PIGT: variants seen among roughly 807,000 people sequenced by gnomAD.
PIGT encodes the protein phosphatidylinositol glycan anchor biosynthesis class T, also known as GPI-anchor transamidase component PIGT.
Under a neutral mutation model 66.7 loss-of-function variants are expected in PIGT, and 57 were observed. The ratio of observed to expected loss-of-function variants is 0.86; its 90% CI spans 0.69 to 1.07. The LOEUF (loss-of-function observed/expected upper bound fraction) is 1.07. Ranked by LOEUF, PIGT falls within the 50% of genes least tolerant of loss-of-function variation. The pLI is 0.00. For missense variants in PIGT, 725 were observed against 740.4 expected (o/e 0.98, Z 0.24); for synonymous variants, 362 against 320.5 (o/e 1.13, Z -1.38).
chr20:45,424,301 C>G lies in PIGT; in HGVS notation c.1320C>G (p.Thr440=), dbSNP rs1419301831. 1.2e-6 allele frequency: 2 copies of G among 1,614,180 alleles called. No individual in the cohort carries two copies. Residue 440 remains threonine, a synonymous_variant, in exon 10 of 12, where the codon ACC becomes ACG. Coordinates refer to ENST00000279036, the MANE Select transcript of PIGT (RefSeq NM_015937.6). The part of the protein sequence containing the change: ...MLIQLPANSV[T]KVSIQFERAL... ...TTCAGCTGCCGGCCAACTCAGTCAC[C>G]AAGGTTTCCATCCAGTTTGAGCGGG...
rs1277383877 is a variant in PIGT, at chr20:45,421,428, G to T, written c.1079G>T (p.Gly360Val). ...CTGCATGCCCAGCGGTACGTGAGTG[G>T]CTATGGGCTGCAGAAGGGGGAGCTG... Reference protein sequence around the residue: ...PFLHAQRYVSGYGLQKGELST... With the variant: ...PFLHAQRYVSVYGLQKGELST... The change falls in exon 9 of 12, where the codon GGC becomes GTC. Residue 360 changes from glycine (G) to valine (V), a missense_variant. Coordinates refer to ENST00000279036, the MANE Select transcript of PIGT (RefSeq NM_015937.6). 6.2e-7 allele frequency: 1 copy of T among 1,614,070 alleles called. No individual in the cohort carries two copies. Among genetic ancestry groups the T allele is most frequent in the Non-Finnish European group, 8.5e-7 (1 of 1,180,038 alleles).
intron 1 of PIGT, 27 bp from the exon 2 acceptor site, chr20:45,416,490 G>C (rs1361306710): frequency 1.2e-6 from 2 of 1,605,238 alleles, no homozygotes; most frequent in African/African-American, 2.7e-5. Context: ...GGTGGGGATC[G>C]TCACTCACCT....
At chr20:45,423,695 G>A (rs1033243037) in intron 9 of PIGT, 2 of 116,660 alleles carry the variant, frequency 1.7e-5, no homozygotes, top group South Asian at 5.4e-4. Context: ...CTGTAGCAGT[G>A]CCCATGCCTT....
At chr20:45,417,645 C>G (rs937782086) in intron 2 of PIGT, 3 of 152,164 alleles carry the variant, frequency 2.0e-5, no homozygotes, top group Admixed American at 1.3e-4. Context: ...TCAAGAGATA[C>G]CAGAAATCTG....
In PIGT at chr20:45,420,639, A is replaced by C. The variant is rs117616742; in HGVS notation, c.979A>C (p.Asn327His). Reference sequence around the variant, plus strand: ...TGACTTGCTTGACACCGCCATGATCAACAACTCTCGAAACCTCAACATCCA... The same window carrying C: ...TGACTTGCTTGACACCGCCATGATCCACAACTCTCGAAACCTCAACATCCA... ...IYDLLDTAMI[N>H]NSRNLNIQLK... The change falls in exon 8 of 12, where the codon AAC becomes CAC. Residue 327 changes from asparagine (N) to histidine (H), a missense_variant. By Grantham distance (68) the Asn-to-His change is moderately conservative (BLOSUM62 1). This residue lies in a region of PIGT where 559 missense variants were observed against 552.7 expected (regional missense o/e 1.01). Transcript: ENST00000279036. 512 of 1,613,850 alleles carry C rather than the reference A, an allele frequency of 3.2e-4. No individual in the cohort carries two copies. The highest frequency in any genetic ancestry group is 4.3e-4 in the Non-Finnish European group (502 of 1,180,004).
rs761482087 is a variant in PIGT at position 45,419,374 on chromosome 20, G to T, written c.573G>T (p.Lys191Asn). The change falls in exon 4 of 12, where the codon AAG (lysine) becomes AAT (asparagine). Residue 191 changes from lysine to asparagine, a missense_variant. By Grantham distance (94) the Lys-to-Asn change is moderately conservative. Transcript: ENST00000279036. ...CCGAAAACCTCACCCCCTGGAAGAA[G>T]CTCTTGCCCTGTAGTTCCAAGGTGA... ...VCTENLTPWK[K>N]LLPCSSKAGL... 31 of 1,613,948 alleles carry T rather than the reference G, an allele frequency of 1.9e-5. No homozygotes were observed. Among genetic ancestry groups the T allele is most frequent in the Non-Finnish European group, 2.6e-5 (31 of 1,179,886 alleles).
intron 9 of PIGT, chr20:45,422,024 A>G (rs1353257041): frequency 6.6e-6 from 1 of 151,890 alleles, no homozygotes; most frequent in Non-Finnish European, 1.5e-5. Flanking sequence ...AAATTTTTTT[A>G]TTTCTATTTT....
At chr20:45,425,534 AG>A in intron 11 of PIGT, 39 bp from the exon 12 acceptor site, 1 of 1,597,490 alleles carries the variant, frequency 6.3e-7, no homozygotes, top group Non-Finnish European at 8.5e-7. Flanking sequence ...GATGGGGAGG[AG>A]CAGCCAGTCC....
rs1269446814 is a variant in PIGT at position 45,416,606 on chromosome 20, T to A, written c.277T>A (p.Phe93Ile). ...GCTGCACCTGTCATTCACACAAGGC[T>A]TTTGGAGGACCCGATACTGGGGGCC... ...RELHLSFTQGFWRTRYWGPPF... is the reference protein window; with the variant it reads ...RELHLSFTQGIWRTRYWGPPF... The change falls in exon 2 of 12, where the codon TTT becomes ATT. Residue 93 changes from phenylalanine (F) to isoleucine (I), a missense_variant. Phe to Ile is a conservative substitution (Grantham distance 21). Coordinates refer to ENST00000279036, the MANE Select transcript of PIGT (RefSeq NM_015937.6). 6.2e-6 allele frequency: 10 copies of A among 1,614,208 alleles called. No homozygotes were observed. The highest frequency in any genetic ancestry group is 7.6e-6 in the Non-Finnish European group (9 of 1,180,024).
At position 45,424,253 on chromosome 20, in the gene PIGT, A is replaced by G; in HGVS notation, c.1272A>G (p.Gln424=). ...ACCAGCCTGCCCAGGACCGGCTGCAACCCCACCTCCTGGAGATGCTGATTC... is the reference window on the plus strand; with the variant it reads ...ACCAGCCTGCCCAGGACCGGCTGCAGCCCCACCTCCTGGAGATGCTGATTC... ...IHYQPAQDRL[Q]PHLLEMLIQL... Residue 424 remains glutamine (Q), a synonymous_variant, in exon 10 of 12, where the codon CAA becomes CAG. Coordinates refer to ENST00000279036, the MANE Select transcript of PIGT (RefSeq NM_015937.6). 1 of 1,614,032 alleles carries G rather than the reference A, an allele frequency of 6.2e-7. No individual in the cohort carries two copies. Among genetic ancestry groups the G allele is most frequent in the East Asian group, 2.2e-5 (1 of 44,868 alleles).
intron 3 of PIGT, 100 bp downstream of exon 3, chr20:45,419,079 A>T: frequency 6.7e-7 from 1 of 1,482,040 alleles, no homozygotes; most frequent in Admixed American, 1.7e-5. Flanking sequence ...CCTGGGCTAG[A>T]TCCTAAGTCC....
In PIGT at chr20:45,422,378, C is replaced by T. The variant is rs1468220686; in HGVS notation, c.1234+795C>T. 3 of 151,840 alleles carry T rather than the reference C, an allele frequency of 2.0e-5. No homozygotes were observed. The East Asian group carries it at 5.8e-4, about 29-fold the overall frequency. 9.4% of individuals were successfully genotyped at this position (151,840 alleles called of 1,614,324 possible). A position where few individuals can be genotyped will look rare whatever the true frequency, so the allele number is the denominator to read the frequency against. On this transcript the variant is annotated intron_variant, in intron 9 of 11. Coordinates refer to ENST00000279036, the MANE Select transcript of PIGT (RefSeq NM_015937.6). ...CTGTTATTATTCTTTTAAATCTTCTCCTTTGGAAAATTTCAAACCCAAACC... is the reference window on the plus strand; with the variant it reads ...CTGTTATTATTCTTTTAAATCTTCTTCTTTGGAAAATTTCAAACCCAAACC...
Position 45,421,652 on chromosome 20 carries a change from C to T in PIGT, c.1234+69C>T, listed in dbSNP as rs559416420. On this transcript the variant is annotated intron_variant, in intron 9 of 11. Transcript: ENST00000279036. ...ATGTCCTCTCCAGGTCCCCCAAACT[C>T]TCATTTCCCAGGGTAGTTCCTGAAG... 9 of 1,307,578 alleles carry T rather than the reference C, an allele frequency of 6.9e-6. No homozygotes were observed. In the East Asian group the frequency reaches 1.9e-4, roughly 28 times the overall value. 81.0% of individuals were successfully genotyped at this position (1,307,578 alleles called of 1,614,324 possible).
At chr20:45,420,485 T>C (rs1177236845) in intron 7 of PIGT, 43 bp from the exon 8 acceptor site, 1 of 1,611,954 alleles carries the variant, frequency 6.2e-7, no homozygotes, top group South Asian at 1.1e-5. Flanking sequence ...AGGACCAGCC[T>C]ACCCTCTCTG....
chr20:45,421,070 G>A, intron 8 of PIGT: 1 of 515,052 alleles, frequency 1.9e-6, no homozygotes, highest in East Asian at 3.3e-5. Flanking sequence ...GCAGGTGTCA[G>A]TTAATTAATT....
intron 2 of PIGT, chr20:45,417,303 C>T (rs1449758826): frequency 7.9e-5 from 12 of 152,186 alleles, no homozygotes; most frequent in Admixed American, 7.2e-4. Flanking sequence ...TCATTTTCCT[C>T]TTAATCCCAC....
At chr20:45,419,193 G>T (rs1568946993) in intron 3 of PIGT, 102 bp from the exon 4 acceptor site, 1 of 1,127,876 alleles carries the variant, frequency 8.9e-7, no homozygotes, top group Admixed American at 1.9e-5. Flanking sequence ...TGTGGTGCTA[G>T]AGGTGGTGTG....
intron 3 of PIGT, 94 bp from the exon 4 acceptor site, chr20:45,419,201 G>A (rs748745417): frequency 1.5e-5 from 18 of 1,161,954 alleles, no homozygotes; most frequent in African/African-American, 6.0e-5. Context: ...TAGAGGTGGT[G>A]TGGGGAGCAG....
intron 9 of PIGT, chr20:45,423,454 A>G (rs973720750): frequency 7.9e-5 from 12 of 151,742 alleles, no homozygotes; most frequent in African/African-American, 2.9e-4. Context: ...ATAGTGAGCC[A>G]TGATCATACT....
Sources: gnomAD v4.1 joint callset for allele counts on GRCh38, gnomAD v4.1.1 for gene constraint, gnomAD v4.1.1 regional missense constraint, MANE v1.5 for transcripts, NCBI Gene and HGNC (gene_info 2026-07-23, HGNC 2026-07-21) for gene names.